Variants in RBM25 observed in about 807,000 individuals in gnomAD.
The protein encoded by RBM25 is RNA binding motif protein 25.
Under a neutral mutation model 120.7 loss-of-function variants are expected in RBM25, and 19 were observed. The observed-to-expected ratio is 0.16, with a 90% confidence interval of 0.11 to 0.23. RBM25 has a LOEUF of 0.23. Among genes scored for constraint, RBM25 ranks in the 10% least tolerant of loss-of-function variants. The pLI, the probability that RBM25 is intolerant of heterozygous loss-of-function variation, is 1.00. For missense variants in RBM25, 605 were observed against 1,041.5 expected (o/e 0.58, Z 5.77); for synonymous variants, 390 against 326.7 (o/e 1.19, Z -2.09).
chr14:73,076,059 T>C (rs1895413577), intron 2 of RBM25, among the ~76,000 whole-genome samples: 2 of 152,250 alleles, frequency 1.3e-5, no homozygotes, highest in South Asian at 4.1e-4. Context: ...AATGGATAAC[T>C]ATCCAGGATT....
chr14:73,092,669 C>T (rs1157648997), intron 6 of RBM25, among the ~76,000 whole-genome samples: 1 of 151,642 alleles, frequency 6.6e-6, no homozygotes, highest in Non-Finnish European at 1.5e-5. Context: ...GTGTGCTGCA[C>T]CCATTAACTC....
intron 18 of RBM25, among the ~76,000 whole-genome samples, chr14:73,115,300 T>A (rs918921377): frequency 1.3e-5 from 2 of 152,150 alleles, no homozygotes; most frequent in African/African-American, 4.8e-5. Flanking sequence ...TCATTAGTTA[T>A]TTTTCCTGAT....
At chr14:73,096,461 G>C (rs973418445) in intron 6 of RBM25, among the ~76,000 whole-genome samples, 2 of 151,672 alleles carry the variant, frequency 1.3e-5, no homozygotes, top group Admixed American at 1.3e-4. Context: ...TTAGCAATCT[G>C]ATGTTTTTGT....
chr14:73,121,928 T>C lies in RBM25; in HGVS notation c.*2123T>C, dbSNP rs1276959274. 6.6e-6 allele frequency: 1 copy of C among 151,554 alleles called. No individual in the cohort carries two copies. Among genetic ancestry groups the C allele is most frequent in the East Asian group, 1.9e-4 (1 of 5,200 alleles). The allele number at this position is 151,554 out of a possible 1,614,324, so 9.4% of individuals were successfully genotyped here. A position where few individuals can be genotyped will look rare whatever the true frequency, so the allele number is the denominator to read the frequency against. ...TTTGTGCAAGTTCATATATTAAAGT[T>C]TCTGCAGCAGAGTGAAAATTGTTAC... is the stretch of plus-strand genomic sequence containing the variant. On this transcript the variant is annotated 3_prime_UTR_variant, in exon 19 of 19. Transcript: ENST00000261973.
chr14:73,103,940 TCTCTCTCTCACACACACA>T (rs1263345920), intron 10 of RBM25, among the ~76,000 whole-genome samples: 79 of 40,988 alleles, frequency 1.9e-3, no homozygotes, highest in South Asian at 0.01. Context: ...TCTCTCTCTC[TCTCTCTCTCACACACACA>T]CACACACACA....
intron 7 of RBM25, among the ~76,000 whole-genome samples, chr14:73,098,779 G>A (rs907543855): frequency 1.3e-5 from 2 of 152,102 alleles, no homozygotes; most frequent in African/African-American, 4.8e-5. Context: ...GAGTAGCTGG[G>A]ACTACACGTG....
intron 12 of RBM25, among the ~76,000 whole-genome samples, chr14:73,106,905 T>A (rs901625397): frequency 6.6e-6 from 1 of 151,562 alleles, no homozygotes; most frequent in Non-Finnish European, 1.5e-5. Context: ...TGATCTCGGC[T>A]CACTGCAACC....
At chr14:73,083,584 A>C in intron 5 of RBM25, 33 bp downstream of exon 5, 3 of 1,474,078 alleles carry the variant, frequency 2.0e-6, no homozygotes, top group Non-Finnish European at 2.8e-6. Context: ...TGCTGAAATC[A>C]CTTTAACTAA....
chr14:73,083,617 C>A (rs1895615069), intron 5 of RBM25, 66 bp downstream of exon 5: 1 of 1,126,440 alleles, frequency 8.9e-7, no homozygotes, highest in Non-Finnish European at 1.3e-6. Flanking sequence ...AATCACTTTG[C>A]ATGACTTAAC....
Position 73,112,241 on chromosome 14 carries a change from T to C in RBM25, c.2382T>C (p.Val794=), listed in dbSNP as rs772482020. 2 of 1,604,126 alleles carry C rather than the reference T, an allele frequency of 1.2e-6. No individual in the cohort carries two copies. The highest frequency in any genetic ancestry group is 1.7e-5 in the Admixed American group (1 of 57,356). ...AAGAAGCTACATTAGTTGATTTTGTTTGTTCTAAGGTTAGTCTTCTATTCT... is the reference window on the plus strand; with the variant it reads ...AAGAAGCTACATTAGTTGATTTTGTCTGTTCTAAGGTTAGTCTTCTATTCT... ...GEEEATLVDF[V]CSKVMAHSSP... is the part of the protein sequence containing the mutation. Residue 794 remains valine (V), a synonymous_variant, in exon 17 of 19, where the codon GTT becomes GTC. Coordinates refer to ENST00000261973, the MANE Select transcript of RBM25 (RefSeq NM_021239.3).
Position 73,078,140 on chromosome 14 carries a change from A to G in RBM25, c.324+604A>G, listed in dbSNP as rs538177849. ...CAACATGGTGAGACCCTGTCTCTAC[A>G]AAAAATACAAAAATTAGCCAGGCGT... On this transcript the variant is annotated intron_variant, in intron 4 of 18. Transcript: ENST00000261973. Among the ~76,000 whole-genome samples, 10 of 152,060 alleles carry G rather than the reference A, an allele frequency of 6.6e-5. No homozygotes were observed. The South Asian group carries it at 2.1e-3, about 32-fold the overall frequency.
chr14:73,076,316 T>C lies in RBM25; in HGVS notation c.107-3T>C, dbSNP rs1895420332. ...AAAATCAGTGTGGTTTTTCTTTTCTTAGGGACCCCAATGATTCCTGTACCA... is the reference window on the plus strand; with the variant it reads ...AAAATCAGTGTGGTTTTTCTTTTCTCAGGGACCCCAATGATTCCTGTACCA... On this transcript the variant is annotated splice_polypyrimidine_tract_variant and splice_region_variant and intron_variant, in intron 2 of 18. Transcript: ENST00000261973. The C allele has an allele frequency of 1.9e-6, 3 of 1,610,850 alleles. No individual in the cohort carries two copies. Among genetic ancestry groups the C allele is most frequent in the African/African-American group, 1.3e-5 (1 of 74,980 alleles).
In RBM25 at chr14:73,105,898, A is replaced by G. The variant is rs997345515; in HGVS notation, c.1194A>G (p.Glu398=). ...ATCGTGAAAGGGAACGAGAGCGGGA[A>G]AGAGAGAGAGAGAGAGAACGAGAGC... ...SRDRERERER[E]RERERERERE... is the part of the protein sequence containing the mutation. Residue 398 remains glutamate (E), a synonymous_variant, in exon 11 of 19, where the codon GAA becomes GAG. Transcript: ENST00000261973. 8.2e-5 allele frequency: 126 copies of G among 1,536,602 alleles called. No individual in the cohort carries two copies. Among genetic ancestry groups the G allele is most frequent in the Non-Finnish European group, 9.9e-5 (111 of 1,124,488 alleles).
chr14:73,119,214 G>A (rs1164550142), intron 18 of RBM25, among the ~76,000 whole-genome samples: 4 of 152,164 alleles, frequency 2.6e-5, no homozygotes, highest in Non-Finnish European at 5.9e-5. Context: ...ATACAACTAT[G>A]TAATAACAAT....
chr14:73,072,485 A>G (rs1895319403), intron 2 of RBM25, among the ~76,000 whole-genome samples: 1 of 152,162 alleles, frequency 6.6e-6, no homozygotes, highest in Admixed American at 6.6e-5. Flanking sequence ...ATATAAGTAA[A>G]GATTTATGGA....
chr14:73,097,525 A>G (rs1253068439), intron 7 of RBM25, among the ~76,000 whole-genome samples: 2 of 151,926 alleles, frequency 1.3e-5, no homozygotes, highest in Non-Finnish European at 2.9e-5. Context: ...TACAGAGACA[A>G]GGTCTCACTA....
intron 12 of RBM25, among the ~76,000 whole-genome samples, chr14:73,106,732 C>T (rs748382660): frequency 2.4e-4 from 37 of 152,056 alleles, no homozygotes; most frequent in Admixed American, 1.6e-3. Context: ...ATTTAAATTT[C>T]TGCGTTTCTT....
At position 73,119,351 on chromosome 14, in the gene RBM25, C is replaced by T. The variant is rs376322005; in HGVS notation, c.2440-362C>T. On this transcript the variant is annotated intron_variant, in intron 18 of 18. Coordinates refer to ENST00000261973, the MANE Select transcript of RBM25 (RefSeq NM_021239.3). Reference sequence around the variant, plus strand: ...GCAGTGGCGCGATCTTGGCAAGCTCCGCCTCCTGGGTTCACGTCATTCTCC... The same window carrying T: ...GCAGTGGCGCGATCTTGGCAAGCTCTGCCTCCTGGGTTCACGTCATTCTCC... Among the ~76,000 whole-genome samples the T allele has an allele frequency of 2.6e-5, 4 of 152,082 alleles. No individual in the cohort carries two copies. In the South Asian group the frequency reaches 6.2e-4, roughly 24 times the overall value.
chr14:73,073,089 A>AT (rs1211726168), intron 2 of RBM25, among the ~76,000 whole-genome samples: 1 of 152,000 alleles, frequency 6.6e-6, no homozygotes, highest in East Asian at 1.9e-4. Context: ...GTTAATTAAA[A>AT]TTTTTTTAAA....
Sources: gnomAD v4.1 joint callset for allele counts (sites outside exome capture counted in the v4.1 genomes callset) on GRCh38, gnomAD v4.1.1 for gene constraint, MANE v1.5 for transcripts, NCBI Gene and HGNC (gene_info 2026-07-23, HGNC 2026-07-21) for gene names.